The following STOX1 variants were observed in gnomAD, a reference collection of about 807,000 sequenced individuals.
STOX1 encodes storkhead-box protein 1.
Under a neutral mutation model 74.8 loss-of-function variants are expected in STOX1, and 57 were observed. The observed-to-expected ratio is 0.76, with a 90% CI of 0.62 to 0.95. STOX1 has a LOEUF of 0.95. Among genes scored for constraint, STOX1 ranks in the 40% least tolerant of loss-of-function variants. STOX1 has a pLI of 0.00. For missense variants in STOX1, 1,010 were observed against 1,117.0 expected (o/e 0.90, Z 1.37); for synonymous variants, 375 against 401.3 (o/e 0.93, Z 0.78).
At position 68,885,417 on chromosome 10, in the gene STOX1, A is replaced by G. The variant is rs781706535; in HGVS notation, c.1621A>G (p.Arg541Gly). ...FQKPRSLDSS[R>G]IFDGKAKEPY... Reference sequence around the variant, plus strand: ...AAAGCCTAGGTCCTTGGATTCCTCAAGAATCTTTGATGGTAAAGCCAAAGA... The same window carrying G: ...AAAGCCTAGGTCCTTGGATTCCTCAGGAATCTTTGATGGTAAAGCCAAAGA... Residue 541 changes from arginine (R) to glycine (G), a missense_variant, in exon 3 of 4, where the codon AGA becomes GGA. Arg to Gly is a moderately radical substitution (Grantham distance 125). Transcript: ENST00000298596. 1.2e-6 allele frequency: 2 copies of G among 1,614,210 alleles called. No homozygotes were observed. Among genetic ancestry groups the G allele is most frequent in the Admixed American group, 3.3e-5 (2 of 60,022 alleles).
At chr10:68,840,150 C>T (rs1017967975) in intron 1 of STOX1, among the ~76,000 whole-genome samples, 1 of 152,158 alleles carries the variant, frequency 6.6e-6, no homozygotes, top group African/African-American at 2.4e-5. Flanking sequence ...GAATGAAATT[C>T]TACCCCTTTC....
At position 68,885,371 on chromosome 10, in the gene STOX1, A is replaced by G. The variant is rs1394418729; in HGVS notation, c.1575A>G (p.Gly525=). The G allele has an allele frequency of 6.2e-7, 1 of 1,614,166 alleles. No individual in the cohort carries two copies. The change falls in exon 3 of 4, where the codon GGA becomes GGG. Residue 525 remains glycine, a synonymous_variant. Transcript: ENST00000298596. ...GTGATCTGAAACCCAGCCAGACTGG[A>G]CCAAAGGAAAAGCCTTTCCAAAAGC... ...KTSDLKPSQT[G]PKEKPFQKPR... is the part of the protein sequence containing the mutation.
chr10:68,894,073 T>C (rs1841151189), downstream of STOX1, among the ~76,000 whole-genome samples: 2 of 151,902 alleles, frequency 1.3e-5, no homozygotes, highest in African/African-American at 4.8e-5. Context: ...TTCTTTTTTT[T>C]TTTTGAGACA....
At chr10:68,864,872 C>T (rs571062433) in intron 1 of STOX1, among the ~76,000 whole-genome samples, 5 of 152,242 alleles carry the variant, frequency 3.3e-5, no homozygotes, top group South Asian at 4.1e-4. Context: ...TAGAGCAGGC[C>T]GTATGCAATT....
chr10:68,846,119 T>TTTTTTTTA (rs1167242930), intron 1 of STOX1, among the ~76,000 whole-genome samples: 21 of 135,846 alleles, frequency 1.5e-4, no homozygotes, highest in Admixed American at 1.0e-3. Context: ...GCTTGAGGTT[T>TTTTTTTTA]TTATTATTAT....
chr10:68,842,423 A>T (rs558451687), intron 1 of STOX1, among the ~76,000 whole-genome samples: 1 of 152,216 alleles, frequency 6.6e-6, no homozygotes, highest in South Asian at 2.1e-4. Flanking sequence ...TGTTAAGCTT[A>T]TTCCATGATA....
intron 2 of STOX1, 142 bp from the exon 3 acceptor site, chr10:68,884,118 C>T: frequency 1.3e-6 from 1 of 772,886 alleles, no homozygotes; most frequent in Admixed American, 2.3e-5. Context: ...CACACCCATC[C>T]CTGGCATTTT....
At position 68,863,642 on chromosome 10, in the gene STOX1, A is replaced by T. The variant is rs1053555058; in HGVS notation, c.311-18316A>T. Among the ~76,000 whole-genome samples, 28 of 152,160 alleles carry T rather than the reference A, an allele frequency of 1.8e-4. 1 individual carries two copies. Among genetic ancestry groups the T allele is most frequent in the African/African-American group, 6.5e-4 (27 of 41,380 alleles). ...CATTCAAAGGTCCTGAAAGAGGTGT[A>T]TGAGCCTTAATGTGAGTGATGTAAA... On this transcript the variant is annotated intron_variant, in intron 1 of 3. Coordinates refer to ENST00000298596, the MANE Select transcript of STOX1 (RefSeq NM_152709.5).
At chr10:68,880,276 G>A (rs1424926370) in intron 1 of STOX1, among the ~76,000 whole-genome samples, 1 of 150,480 alleles carries the variant, frequency 6.6e-6, no homozygotes, top group Non-Finnish European at 1.5e-5. Context: ...TCTAACTCCT[G>A]GGCTCAAGTA....
chr10:68,893,607 C>T (rs531766540), downstream of STOX1, among the ~76,000 whole-genome samples: 6 of 152,076 alleles, frequency 3.9e-5, no homozygotes, highest in African/African-American at 1.2e-4. Flanking sequence ...TTAGTAGAGA[C>T]GGGGTTTCAC....
chr10:68,871,756 A>C lies in STOX1; in HGVS notation c.311-10202A>C, dbSNP rs145983149. 1.4e-3 allele frequency among the ~76,000 whole-genome samples: 210 copies of C among 152,210 alleles called. 1 individual carries two copies. The highest frequency in any genetic ancestry group is 4.8e-3 in the African/African-American group (200 of 41,548). On this transcript the variant is annotated intron_variant, in intron 1 of 3. Transcript: ENST00000298596. ...TTACTGGCCTGGAACCTTTCTTCTT[A>C]TTGTTTCCATTTCATTTGATTTTCT...
intron 1 of STOX1, among the ~76,000 whole-genome samples, chr10:68,865,476 C>T (rs992566011): frequency 1.3e-5 from 2 of 152,090 alleles, no homozygotes; most frequent in Admixed American, 6.6e-5. Context: ...GGTGAAACCC[C>T]GTCTCTACTA....
intron 1 of STOX1, among the ~76,000 whole-genome samples, chr10:68,858,975 AGTG>A (rs1375221944): frequency 7.9e-5 from 12 of 152,064 alleles, no homozygotes; most frequent in Non-Finnish European, 1.8e-4. Context: ...AAAGCCTGGG[AGTG>A]GGAGGCCTCT....
chr10:68,829,996 G>C (rs1589212144), intron 1 of STOX1, among the ~76,000 whole-genome samples: 1 of 152,202 alleles, frequency 6.6e-6, no homozygotes, highest in African/African-American at 2.4e-5. Context: ...GTATATTGCA[G>C]AGAGGGAGTG....
intron 3 of STOX1, among the ~76,000 whole-genome samples, chr10:68,886,903 A>G (rs1432163098): frequency 6.6e-6 from 1 of 151,564 alleles, no homozygotes; most frequent in Non-Finnish European, 1.5e-5. Context: ...CTGGTGATGG[A>G]GCAAGACTCT....
Position 68,884,752 on chromosome 10 carries a change from G to C in STOX1, c.956G>C (p.Ser319Thr). 1 of 1,614,214 alleles carries C rather than the reference G, an allele frequency of 6.2e-7. No individual in the cohort carries two copies. The highest frequency in any genetic ancestry group is 8.5e-7 in the Non-Finnish European group (1 of 1,180,032). ...TTTGGTTTTAGTCTCTTATGGCGCA[G>C]CTTATCTAGAAAGGAGAAGCCCAAA... The part of the protein sequence containing the change: ...KKFGFSLLWR[S>T]LSRKEKPKTE... Residue 319 changes from serine (S) to threonine (T), a missense_variant, in exon 3 of 4, where the codon AGC becomes ACC. Ser to Thr is a moderately conservative substitution (Grantham distance 58, BLOSUM62 1). Transcript: ENST00000298596.
chr10:68,833,571 T>A (rs1272040635), intron 1 of STOX1, among the ~76,000 whole-genome samples: 1 of 152,100 alleles, frequency 6.6e-6, no homozygotes, highest in East Asian at 1.9e-4. Flanking sequence ...TGACAGGGGC[T>A]GCATGCACTG....
intron 1 of STOX1, among the ~76,000 whole-genome samples, chr10:68,861,117 A>T (rs1840256373): frequency 6.6e-6 from 1 of 151,998 alleles, no homozygotes; most frequent in African/African-American, 2.4e-5. Context: ...AGTCATGGAG[A>T]CCCCAACCCA....
At chr10:68,851,299 TAAAAAA>T (rs35166698) in intron 1 of STOX1, among the ~76,000 whole-genome samples, 3 of 108,640 alleles carry the variant, frequency 2.8e-5, no homozygotes, top group Non-Finnish European at 6.0e-5. Context: ...TGAGACTTTC[TAAAAAA>T]AAAAAAAAAA....
Sources: gnomAD v4.1 joint callset for allele counts (sites outside exome capture counted in the v4.1 genomes callset) on GRCh38, gnomAD v4.1.1 for gene constraint, MANE v1.5 for transcripts, NCBI Gene and HGNC (gene_info 2026-07-23, HGNC 2026-07-21) for gene names.